DNAH12: variants seen among roughly 807,000 people sequenced by gnomAD.
DNAH12 encodes dynein axonemal heavy chain 12.
A neutral mutation model predicts 371.5 loss-of-function variants in DNAH12; 285 were observed. The observed-to-expected ratio is 0.77, with a 90% CI of 0.70 to 0.85. The LOEUF is 0.85. DNAH12 is among the 40% of genes least tolerant of loss of function. The probability of loss-of-function intolerance (pLI) is 0.00; values close to 1 mark genes in which losing one functional copy is unlikely to be tolerated. For synonymous variants in DNAH12, 1,200 were observed against 1,213.0 expected (o/e 0.99, Z 0.22); for missense variants, 3,611 against 3,689.4 (o/e 0.98, Z 0.55).
intron 11 of DNAH12, among the ~76,000 whole-genome samples, chr3:57,497,287 T>A (rs1416548857): frequency 6.6e-6 from 1 of 152,174 alleles, no homozygotes; most frequent in African/African-American, 2.4e-5. Context: ...ACAGTCAAAA[T>A]AATTTTGGAA....
chr3:57,502,184 T>A, intron 10 of DNAH12, 139 bp downstream of exon 10: 1 of 1,147,332 alleles, frequency 8.7e-7, no homozygotes, highest in Non-Finnish European at 1.2e-6. Flanking sequence ...GATTCTTGAC[T>A]CTGCCAAAAG....
At chr3:57,525,709 T>C (rs1247478177) in intron 2 of DNAH12, among the ~76,000 whole-genome samples, 1 of 151,874 alleles carries the variant, frequency 6.6e-6, no homozygotes, top group Non-Finnish European at 1.5e-5. Flanking sequence ...AATTAAATTA[T>C]TTTTATTATA....
Position 57,309,839 on chromosome 3 carries a change from G to C in DNAH12, c.10912C>G (p.Gln3638Glu), listed in dbSNP as rs1370205857. ...IEFIKKLPFTQHPEIFGLHEN... is the reference protein window; with the variant it reads ...IEFIKKLPFTEHPEIFGLHEN... ...TGTAATCCAAATATCTCAGGGTGTT[G>C]AGTAAATGGAAGTTTCTACCAGAAA... is the stretch of plus-strand genomic sequence containing the variant. The change falls in exon 68 of 74, where the codon CAA (glutamine) becomes GAA (glutamate). Residue 3638 changes from glutamine to glutamate, a missense_variant. By Grantham distance (29) the Gln-to-Glu change is conservative. Around this residue, in one of 3 missense-constraint regions of DNAH12, gnomAD observed 2,266 missense variants for 2,236.9 expected, o/e 1.01. Coordinates refer to ENST00000495027, the MANE Select transcript of DNAH12 (RefSeq NM_001366028.2). 1 of 1,544,728 alleles carries C rather than the reference G, an allele frequency of 6.5e-7. No individual in the cohort carries two copies. The highest frequency in any genetic ancestry group is 8.7e-7 in the Non-Finnish European group (1 of 1,145,232).
rs759433148 is a variant in DNAH12 at position 57,415,517 on chromosome 3, A to C, written c.5762T>G (p.Val1921Gly). The part of the protein sequence containing the change: ...GPTGTGKSVY[V>G]KDKLMNHLEK... ...CAAGTGATTCATTAGCTTATCCTTC[A>C]CATACACAGATTTTCCTGTACCCGT... The change falls in exon 38 of 74, where the codon GTG becomes GGG. Residue 1921 changes from valine to glycine, a missense_variant. This residue lies in a region of DNAH12 where 2,266 missense variants were observed against 2,236.9 expected (regional missense o/e 1.01). Coordinates refer to ENST00000495027, the MANE Select transcript of DNAH12 (RefSeq NM_001366028.2). The C allele has an allele frequency of 6.4e-7, 1 of 1,550,758 alleles. No individual in the cohort carries two copies. Among genetic ancestry groups the C allele is most frequent in the South Asian group, 1.2e-5 (1 of 83,702 alleles).
intron 42 of DNAH12, among the ~76,000 whole-genome samples, chr3:57,404,681 T>C (rs1051401199): frequency 1.3e-5 from 2 of 151,854 alleles, no homozygotes; most frequent in Non-Finnish European, 2.9e-5. Context: ...GATAGTGCCA[T>C]TGCACTCCAA....
chr3:57,474,879 G>C (rs1385510023), intron 13 of DNAH12, among the ~76,000 whole-genome samples: 1 of 151,946 alleles, frequency 6.6e-6, no homozygotes, highest in Non-Finnish European at 1.5e-5. Context: ...AGGAGGCTGA[G>C]ACAGGAGAAT....
intron 10 of DNAH12, among the ~76,000 whole-genome samples, chr3:57,501,992 C>T (rs565481970): frequency 2.0e-5 from 3 of 152,026 alleles, no homozygotes; most frequent in East Asian, 1.9e-4. Context: ...CTGCAAGCTC[C>T]GCCTCCTGGG....
intron 69 of DNAH12, among the ~76,000 whole-genome samples, chr3:57,302,532 TATA>T (rs1559535160): frequency 0.01 from 392 of 37,830 alleles, 28 homozygotes; most frequent in East Asian, 0.018. Context: ...ATCAGGTGTA[TATA>T]TATATATATA....
At chr3:57,485,415 T>C (rs916975541) in intron 12 of DNAH12, among the ~76,000 whole-genome samples, 1 of 151,822 alleles carries the variant, frequency 6.6e-6, no homozygotes, top group Admixed American at 6.6e-5. Flanking sequence ...TTCTTTTTTT[T>C]TTTTCTTTTC....
At chr3:57,324,191 C>CT (rs939580896) in intron 62 of DNAH12, among the ~76,000 whole-genome samples, 1 of 152,184 alleles carries the variant, frequency 6.6e-6, no homozygotes, top group Non-Finnish European at 1.5e-5. Flanking sequence ...GGAGCAAGAG[C>CT]TTCCCTGTCA....
intron 43 of DNAH12, among the ~76,000 whole-genome samples, chr3:57,398,298 C>A (rs2063785968): frequency 6.6e-6 from 1 of 152,026 alleles, no homozygotes; most frequent in Non-Finnish European, 1.5e-5. Flanking sequence ...TTATGGTACA[C>A]CATCAAGTGG....
chr3:57,322,217 G>C (rs2153292921), intron 65 of DNAH12, 126 bp downstream of exon 65: 1 of 1,074,510 alleles, frequency 9.3e-7, no homozygotes, highest in Non-Finnish European at 1.3e-6. Context: ...TGTCTTGTTA[G>C]GAAATGCGTA....
At chr3:57,542,285 T>C (rs1258682148) in intron 2 of DNAH12, among the ~76,000 whole-genome samples, 2 of 152,152 alleles carry the variant, frequency 1.3e-5, no homozygotes, top group Admixed American at 1.3e-4. Context: ...AGTTATTTGA[T>C]TTTACTTTCA....
chr3:57,436,199 T>C (rs2065117847), intron 30 of DNAH12, among the ~76,000 whole-genome samples: 1 of 152,032 alleles, frequency 6.6e-6, no homozygotes, highest in Non-Finnish European at 1.5e-5. Flanking sequence ...CACACACACA[T>C]AACTTACTTA....
chr3:57,308,544 G>A (rs967090545), intron 69 of DNAH12, among the ~76,000 whole-genome samples: 3 of 152,056 alleles, frequency 2.0e-5, no homozygotes, highest in Non-Finnish European at 4.4e-5. Context: ...AACTTGGACT[G>A]TGCCCCAAAA....
intron 61 of DNAH12, 59 bp downstream of exon 61, chr3:57,334,723 T>C (rs1461136002): frequency 1.3e-6 from 2 of 1,511,288 alleles, no homozygotes; most frequent in African/African-American, 2.8e-5. Flanking sequence ...AATCACTAAA[T>C]TGAAGAACAA....
intron 13 of DNAH12, among the ~76,000 whole-genome samples, chr3:57,479,793 A>G (rs915194378): frequency 3.9e-5 from 6 of 152,214 alleles, no homozygotes; most frequent in Admixed American, 3.9e-4. Context: ...AACTACATGG[A>G]AACTGAAAAA....
At chr3:57,441,086 A>G (rs1323917781) in intron 29 of DNAH12, among the ~76,000 whole-genome samples, 1 of 152,222 alleles carries the variant, frequency 6.6e-6, no homozygotes, top group Non-Finnish European at 1.5e-5. Flanking sequence ...AAACTCATAG[A>G]TGACCCAGAT....
intron 69 of DNAH12, among the ~76,000 whole-genome samples, chr3:57,308,181 G>A (rs2061511726): frequency 2.0e-5 from 3 of 152,128 alleles, no homozygotes; most frequent in Admixed American, 2.0e-4. Context: ...ATAGGTAGAG[G>A]CCTTTCCCAC....
Sources: allele counts gnomAD v4.1 joint callset (sites outside exome capture counted in the v4.1 genomes callset), GRCh38; gene constraint gnomAD v4.1.1; regional missense constraint gnomAD v4.1.1; transcripts MANE v1.5; gene names NCBI Gene and HGNC (gene_info 2026-07-23, HGNC 2026-07-21).